The following CHLSN variants were observed in gnomAD, a reference collection of about 807,000 sequenced individuals.
CHLSN encodes the protein cholesin.
chr7:1,109,144 G>A, the CHLSN span, among the ~76,000 whole-genome samples: 2 of 151,926 alleles, frequency 1.3e-5, no homozygotes, highest in South Asian at 2.1e-4. Context: ...TGATCCACCC[G>A]CCACAGCCTC....
chr7:1,021,641 G>A, the CHLSN span: 1 of 924,094 alleles, frequency 1.1e-6, no homozygotes, highest in Admixed American at 6.2e-5. Flanking sequence ...GACTGGCTTT[G>A]CTGCCACCGC....
chr7:1,118,370 A>G, the CHLSN span, among the ~76,000 whole-genome samples: 1 of 152,224 alleles, frequency 6.6e-6, no homozygotes, highest in East Asian at 1.9e-4. Flanking sequence ...TTGACAATAG[A>G]ATTAGAAAGC....
the CHLSN span, among the ~76,000 whole-genome samples, chr7:1,001,998 TG>T: frequency 1.2e-5 from 1 of 81,006 alleles, no homozygotes; most frequent in Non-Finnish European, 2.4e-5. Context: ...TGGGGAGTCC[TG>T]TGGGTGAGTG....
At chr7:998,228 T>G in the CHLSN span, among the ~76,000 whole-genome samples, 11 of 152,152 alleles carry the variant, frequency 7.2e-5, 1 homozygote, top group Non-Finnish European at 1.6e-4. Context: ...GGCCTGACCC[T>G]TGTCTGCTGG....
At chr7:1,053,614 G>A in the CHLSN span, among the ~76,000 whole-genome samples, 1 of 152,182 alleles carries the variant, frequency 6.6e-6, no homozygotes, top group Non-Finnish European at 1.5e-5. Context: ...GATCACCTGA[G>A]GTCGGGAGTT....
chr7:1,127,467 G>T, the CHLSN span: 539 of 1,310,036 alleles, frequency 4.1e-4, 1 homozygote, highest in Non-Finnish European at 4.8e-4. Flanking sequence ...AAAAGAGGTA[G>T]GGCACTCTCC....
At chr7:1,000,607 T>A in the CHLSN span, 6 of 1,421,022 alleles carry the variant, frequency 4.2e-6, no homozygotes, top group African/African-American at 4.2e-5. Flanking sequence ...CCCGGGCAGC[T>A]GTCTGCCCTG....
At chr7:1,099,508 G>A in the CHLSN span, among the ~76,000 whole-genome samples, 45 of 152,340 alleles carry the variant, frequency 3.0e-4, no homozygotes, top group Admixed American at 7.8e-4. Context: ...TTCTCTTCTC[G>A]CTCACCGCCT....
At chr7:1,096,487 T>A in the CHLSN span, among the ~76,000 whole-genome samples, 1 of 152,292 alleles carries the variant, frequency 6.6e-6, no homozygotes, top group East Asian at 1.9e-4. The surrounding 1 kb of genome is among the most constrained non-coding windows in gnomAD (Gnocchi z 4.6). Context: ...GGGCAGGGAC[T>A]CCGTGGGTGC....
chr7:1,107,138 A>G, the CHLSN span, among the ~76,000 whole-genome samples: 1 of 152,184 alleles, frequency 6.6e-6, no homozygotes, highest in African/African-American at 2.4e-5. Context: ...GGGAAGGGAA[A>G]GAGCCACAGA....
chr7:1,070,769 G>A, the CHLSN span, among the ~76,000 whole-genome samples: 8 of 143,036 alleles, frequency 5.6e-5, no homozygotes, highest in East Asian at 1.2e-3. Context: ...ACATACACAT[G>A]CACACGCACG....
chr7:1,122,464 C>T, the CHLSN span, among the ~76,000 whole-genome samples: 2 of 152,172 alleles, frequency 1.3e-5, no homozygotes, highest in Non-Finnish European at 2.9e-5. Flanking sequence ...CGCCTTCCCC[C>T]GCATACGGCT....
chr7:1,044,044 A>C, the CHLSN span, among the ~76,000 whole-genome samples: 1 of 152,284 alleles, frequency 6.6e-6, no homozygotes, highest in Non-Finnish European at 1.5e-5. Context: ...GTGTTTCTTT[A>C]AACGGCTTTC....
At chr7:1,107,621 T>C in the CHLSN span, among the ~76,000 whole-genome samples, 1 of 152,256 alleles carries the variant, frequency 6.6e-6, no homozygotes, top group East Asian at 1.9e-4. Flanking sequence ...GAACTCTTTT[T>C]GACAATCTTA....
the CHLSN span, among the ~76,000 whole-genome samples, chr7:1,034,568 G>C: frequency 6.6e-6 from 1 of 152,216 alleles, no homozygotes; most frequent in East Asian, 1.9e-4. Context: ...CAGAGGAACA[G>C]AGAACAGTGA....
chr7:1,128,097 G>A, the CHLSN span, among the ~76,000 whole-genome samples: 11 of 13,090 alleles, frequency 8.4e-4, no homozygotes, highest in African/African-American at 6.8e-3. Flanking sequence ...ACCGTCACCC[G>A]GGCTGGAGTG....
At chr7:983,791 A>T in the CHLSN span, among the ~76,000 whole-genome samples, 1 of 152,110 alleles carries the variant, frequency 6.6e-6, no homozygotes, top group East Asian at 1.9e-4. Context: ...CCCACTTTTG[A>T]GCCTCTGTTT....
the CHLSN span, chr7:1,127,224 A>G: frequency 2.6e-6 from 4 of 1,564,222 alleles, no homozygotes; most frequent in Non-Finnish European, 2.6e-6. Flanking sequence ...TGGATCCCAG[A>G]GGGCAGGGCC....
the CHLSN span, among the ~76,000 whole-genome samples, chr7:987,956 G>T: frequency 9.6e-6 from 1 of 104,224 alleles, no homozygotes; most frequent in East Asian, 2.7e-4. Flanking sequence ...TGTGTGTCCT[G>T]GGGGTCCCCT....
Sources: gnomAD v4.1 joint callset for allele counts (sites outside exome capture counted in the v4.1 genomes callset) on GRCh38, gnomAD v4.1.1 for gene constraint, Gnocchi (gnomAD v3.1) non-coding constraint, MANE v1.5 for transcripts, NCBI Gene and HGNC (gene_info 2026-07-23, HGNC 2026-07-21) for gene names.